TRHDE: variants seen among roughly 807,000 people sequenced by gnomAD.
TRHDE encodes the protein thyrotropin-releasing hormone-degrading ectoenzyme.
TRHDE carries 72 observed loss-of-function variants against 125.7 expected under a neutral mutation model. That is an observed-to-expected ratio of 0.57 (90% CI 0.47 to 0.70). TRHDE has a LOEUF of 0.70. Among genes scored for constraint, TRHDE ranks in the 30% least tolerant of loss-of-function variants. The pLI is 0.00. For synonymous variants in TRHDE, 509 were observed against 509.1 expected, an observed-to-expected ratio of 1.00 and a Z score of 0.00; for missense variants, 1,110 against 1,327.1, an observed-to-expected ratio of 0.84 and a Z score of 2.54.
intron 2 of TRHDE, among the ~76,000 whole-genome samples, chr12:72,174,980 A>T (rs1876955855): frequency 1.3e-5 from 2 of 152,174 alleles, no homozygotes; most frequent in Admixed American, 6.6e-5. Flanking sequence ...CTTTTCAAAA[A>T]ATTTTATTTT....
At chr12:72,224,146 CTATGTATGTATGTATGTATG>C (rs10647795) in intron 2 of TRHDE, among the ~76,000 whole-genome samples, 36 of 46,396 alleles carry the variant, frequency 7.8e-4, no homozygotes, top group African/African-American at 1.4e-3. Flanking sequence ...ATCTATTTAT[CTATGTATGTATGTATGTATG>C]TATCTATCTA....
intron 3 of TRHDE, among the ~76,000 whole-genome samples, chr12:72,396,515 G>A (rs1261689133): frequency 6.6e-6 from 1 of 152,120 alleles, no homozygotes; most frequent in Admixed American, 6.5e-5. Context: ...GGAGGCTGAG[G>A]CGGGTGGATC....
chr12:72,462,554 CTATT>C (rs935470505), intron 3 of TRHDE, among the ~76,000 whole-genome samples: 32 of 152,230 alleles, frequency 2.1e-4, no homozygotes, highest in African/African-American at 7.2e-4. Context: ...TCAAAGGTAA[CTATT>C]CATTTATTTT....
intron 3 of TRHDE, among the ~76,000 whole-genome samples, chr12:72,383,094 C>G (rs1012953839): frequency 3.1e-4 from 47 of 152,260 alleles, no homozygotes; most frequent in African/African-American, 1.1e-3. Context: ...GTAATTAAAA[C>G]TAAGGTTTGC....
intron 3 of TRHDE, among the ~76,000 whole-genome samples, chr12:72,400,763 CTTAA>C (rs1873009086): frequency 6.6e-6 from 1 of 152,052 alleles, no homozygotes; most frequent in African/African-American, 2.4e-5. Flanking sequence ...AAAAGTTTGT[CTTAA>C]TTAGAGAAGC....
intron 3 of TRHDE, among the ~76,000 whole-genome samples, chr12:72,439,083 C>A (rs1390541472): frequency 2.0e-5 from 3 of 151,650 alleles, no homozygotes; most frequent in Admixed American, 6.6e-5. Context: ...GTTCTTGGTG[C>A]CTTTGTTGAA....
chr12:72,663,203 A>G lies in TRHDE; in HGVS notation c.*8A>G. ...AAAGCTCTAAGACACTAATATATGT[A>G]TCTTATAAACAAACAATTCAACTCA... On this transcript the variant is annotated 3_prime_UTR_variant, in exon 19 of 19. Coordinates refer to ENST00000261180, the MANE Select transcript of TRHDE (RefSeq NM_013381.3). The G allele has an allele frequency of 6.3e-7, 1 of 1,590,564 alleles. No individual in the cohort carries two copies. The highest frequency in any genetic ancestry group is 8.6e-7 in the Non-Finnish European group (1 of 1,168,418).
intron 6 of TRHDE, among the ~76,000 whole-genome samples, chr12:72,513,640 A>G (rs1353119870): frequency 1.3e-5 from 2 of 152,110 alleles, no homozygotes; most frequent in African/African-American, 2.4e-5. Flanking sequence ...ATTTTGAATC[A>G]GTATTAGGAG....
intron 3 of TRHDE, among the ~76,000 whole-genome samples, chr12:72,385,009 A>G (rs12303037): frequency 0.066 from 10,102 of 152,170 alleles, 674 homozygotes; most frequent in African/African-American, 0.16. Flanking sequence ...GATCTTAATC[A>G]AACAGCTCAT....
chr12:72,510,975 T>A (rs552392259), intron 6 of TRHDE, among the ~76,000 whole-genome samples: 4 of 152,196 alleles, frequency 2.6e-5, no homozygotes, highest in Non-Finnish European at 4.4e-5. Context: ...ATGGGAAGGC[T>A]GCTCACCATT....
At chr12:72,280,492 C>T (rs1475153845) in intron 1 of TRHDE, among the ~76,000 whole-genome samples, 1 of 151,810 alleles carries the variant, frequency 6.6e-6, no homozygotes, top group Non-Finnish European at 1.5e-5. Flanking sequence ...ACCACCTAAG[C>T]AGAGTTCAAA....
intron 2 of TRHDE, among the ~76,000 whole-genome samples, chr12:72,363,671 A>G (rs1042459384): frequency 1.3e-5 from 2 of 152,110 alleles, no homozygotes; most frequent in Non-Finnish European, 2.9e-5. Flanking sequence ...ATCGTACTGA[A>G]TGGGCATAAA....
intron 12 of TRHDE, among the ~76,000 whole-genome samples, chr12:72,587,404 C>T (rs114624163): frequency 0.011 from 1,649 of 151,856 alleles, 29 homozygotes; most frequent in African/African-American, 0.037. Flanking sequence ...AGGTATACAG[C>T]GTAGACATTA....
chr12:72,555,835 C>G (rs1276586698), intron 7 of TRHDE, among the ~76,000 whole-genome samples: 2 of 152,228 alleles, frequency 1.3e-5, no homozygotes, highest in African/African-American at 4.8e-5. Context: ...GTTTATGGAT[C>G]CCTTTAAGAT....
chr12:72,129,696 T>TA (rs1030963543), intron 2 of TRHDE, among the ~76,000 whole-genome samples: 9 of 152,130 alleles, frequency 5.9e-5, no homozygotes, highest in Non-Finnish European at 1.2e-4. Flanking sequence ...TGCAATCAGT[T>TA]AAAAAAATAT....
intron 2 of TRHDE, among the ~76,000 whole-genome samples, chr12:72,295,332 G>A (rs542211143): frequency 1.3e-5 from 2 of 152,236 alleles, no homozygotes; most frequent in Admixed American, 1.3e-4. Flanking sequence ...AGCCCTGGCC[G>A]CGCCTCCCTG....
intron 2 of TRHDE, among the ~76,000 whole-genome samples, chr12:72,238,317 T>C (rs947532054): frequency 1.8e-3 from 58 of 31,532 alleles, no homozygotes; most frequent in Non-Finnish European, 2.1e-3. Context: ...TATATATATA[T>C]ATATACATAT....
intron 12 of TRHDE, among the ~76,000 whole-genome samples, chr12:72,614,121 G>C (rs368051029): frequency 6.1e-4 from 93 of 151,668 alleles, no homozygotes; most frequent in African/African-American, 2.2e-3. Context: ...TCCACAAAGG[G>C]GGTTCTGCCC....
intron 2 of TRHDE, among the ~76,000 whole-genome samples, chr12:72,239,667 G>T (rs138125391): frequency 6.6e-6 from 1 of 152,282 alleles, no homozygotes; most frequent in African/African-American, 2.4e-5. Flanking sequence ...TATTTCCTAT[G>T]ATGTTAGAGA....
Sources: allele counts gnomAD v4.1 joint callset (sites outside exome capture counted in the v4.1 genomes callset), GRCh38; gene constraint gnomAD v4.1.1; transcripts MANE v1.5; gene names NCBI Gene and HGNC (gene_info 2026-07-23, HGNC 2026-07-21).